Variants in OTUD7A observed in about 807,000 individuals in gnomAD.
The protein encoded by OTUD7A is OTU deubiquitinase 7A, also known as OTU domain-containing protein 7A.
OTUD7A carries 12 observed loss-of-function variants against 65.7 expected under a neutral mutation model. That is an observed-to-expected ratio of 0.18 (90% CI 0.12 to 0.30). The LOEUF (loss-of-function observed/expected upper bound fraction) is 0.30. Ranked by LOEUF, OTUD7A falls within the 10% of genes least tolerant of loss-of-function variation. OTUD7A has a pLI of 1.00. For synonymous variants in OTUD7A, 641 were observed against 586.3 expected (o/e 1.09, Z -1.35); for missense variants, 1,148 against 1,304.8 (o/e 0.88, Z 1.85).
chr15:31,731,550 A>C (rs1408777561), intron 1 of OTUD7A, among the ~76,000 whole-genome samples: 1 of 152,196 alleles, frequency 6.6e-6, no homozygotes, highest in Non-Finnish European at 1.5e-5. Context: ...GGCTAGAGGG[A>C]GGAAAGGATG....
intron 3 of OTUD7A, among the ~76,000 whole-genome samples, chr15:31,592,963 G>GTA (rs57472463): frequency 0.02 from 2,154 of 106,676 alleles, 88 homozygotes; most frequent in African/African-American, 0.07. Context: ...ATATATATAT[G>GTA]TATATATATA....
chr15:31,845,422 C>T (rs924885321), intron 1 of OTUD7A, among the ~76,000 whole-genome samples: 18 of 152,230 alleles, frequency 1.2e-4, no homozygotes, highest in African/African-American at 2.7e-4. Context: ...TCAGAAACCA[C>T]GCGGGTAAGC....
At chr15:31,801,601 T>G (rs11636718) in intron 1 of OTUD7A, among the ~76,000 whole-genome samples, 49,708 of 151,982 alleles carry the variant, frequency 0.33, 8,881 homozygotes, top group South Asian at 0.56. Flanking sequence ...AAAACAAAAA[T>G]GAAAAGAAAC....
At chr15:31,549,532 C>T (rs1266922162) in intron 5 of OTUD7A, among the ~76,000 whole-genome samples, 2 of 152,150 alleles carry the variant, frequency 1.3e-5, no homozygotes, top group African/African-American at 2.4e-5. Context: ...AATTACTTTA[C>T]TATTCACTGA....
chr15:31,583,041 C>T (rs1889419810), intron 3 of OTUD7A, among the ~76,000 whole-genome samples: 1 of 149,892 alleles, frequency 6.7e-6, no homozygotes, highest in Admixed American at 6.6e-5. Flanking sequence ...AAGCAGTATG[C>T]TGGAAAGTGT....
Position 31,746,492 on chromosome 15 carries a change from T to C in OTUD7A, c.-99-89415A>G, listed in dbSNP as rs1000909105. On this transcript the variant is annotated intron_variant, in intron 1 of 12. Coordinates refer to ENST00000307050, the MANE Select transcript of OTUD7A (RefSeq NM_001382637.1). The stretch of plus-strand genomic sequence containing the variant: ...TGGAAACAAGGTAAATCAAACTCCA[T>C]AGTAGTTTTTACATATTTTTTTTTT... 1.6e-4 allele frequency among the ~76,000 whole-genome samples: 23 copies of C among 145,132 alleles called. 1 individual carries two copies. In the Middle Eastern group the frequency reaches 0.014, roughly 87 times the overall value.
chr15:31,701,408 T>A (rs1476837798), intron 1 of OTUD7A, among the ~76,000 whole-genome samples: 9 of 150,912 alleles, frequency 6.0e-5, no homozygotes, highest in Non-Finnish European at 7.4e-5. Flanking sequence ...TATTATAATT[T>A]AAAAATATAT....
intron 3 of OTUD7A, among the ~76,000 whole-genome samples, chr15:31,621,849 T>C (rs1054601247): frequency 9.9e-5 from 15 of 151,934 alleles, no homozygotes; most frequent in Non-Finnish European, 1.6e-4. Flanking sequence ...TGATGCAGTT[T>C]CTTCCTAGCA....
chr15:31,836,293 C>G (rs1167637254), intron 1 of OTUD7A, among the ~76,000 whole-genome samples: 3 of 152,086 alleles, frequency 2.0e-5, no homozygotes, highest in Admixed American at 6.6e-5. Context: ...ACAATTATCC[C>G]CAGGGCAGGC....
intron 1 of OTUD7A, among the ~76,000 whole-genome samples, chr15:31,686,017 T>C (rs1298986201): frequency 6.6e-6 from 1 of 152,214 alleles, no homozygotes; most frequent in African/African-American, 2.4e-5. Context: ...CGGGGGACTG[T>C]GTCTCTTTCC....
chr15:31,593,492 TG>T (rs1703694758), intron 3 of OTUD7A, among the ~76,000 whole-genome samples: 1 of 152,168 alleles, frequency 6.6e-6, no homozygotes, highest in Non-Finnish European at 1.5e-5. Flanking sequence ...GCGAAAACTC[TG>T]CTTATAATTG....
At chr15:31,566,889 T>G (rs1302688785) in intron 4 of OTUD7A, among the ~76,000 whole-genome samples, 1 of 152,230 alleles carries the variant, frequency 6.6e-6, no homozygotes, top group African/African-American at 2.4e-5. Context: ...CCCCAGAAGC[T>G]GAGCAGATGC....
intron 1 of OTUD7A, among the ~76,000 whole-genome samples, chr15:31,851,257 G>C (rs1219972308): frequency 6.6e-6 from 1 of 152,192 alleles, no homozygotes; most frequent in Non-Finnish European, 1.5e-5. Flanking sequence ...GAATTATCCA[G>C]AATGTACCAA....
intron 3 of OTUD7A, among the ~76,000 whole-genome samples, chr15:31,593,549 C>T (rs541578879): frequency 3.2e-4 from 48 of 152,010 alleles, no homozygotes; most frequent in East Asian, 3.9e-4. Context: ...GAATTTGGGG[C>T]GGGCAGACTT....
In OTUD7A at chr15:31,482,089, A is replaced by G. The variant is rs570348132; in HGVS notation, c.*1205T>C. 6.6e-6 allele frequency: 1 copy of G among 152,284 alleles called. No homozygotes were observed. Among genetic ancestry groups the G allele is most frequent in the East Asian group, 1.9e-4 (1 of 5,200 alleles). The allele number at this position is 152,284 out of a possible 1,614,324, so 9.4% of individuals were successfully genotyped here. On this transcript the variant is annotated 3_prime_UTR_variant, in exon 13 of 13. Transcript: ENST00000307050. ...AGGAAGAGGCTGCATATTGCTGCTCAAAACAGGGTAGCTAAGGACACATTT... is the reference window on the plus strand; with the variant it reads ...AGGAAGAGGCTGCATATTGCTGCTCGAAACAGGGTAGCTAAGGACACATTT...
At chr15:31,816,792 ATTTAATTTATG>A (rs1896560911) in intron 1 of OTUD7A, among the ~76,000 whole-genome samples, 1 of 152,230 alleles carries the variant, frequency 6.6e-6, no homozygotes, top group East Asian at 1.9e-4. Context: ...TAATGCCAGA[ATTTAATTTATG>A]TATATTAGAT....
At chr15:31,521,646 C>G (rs1231288657) in intron 8 of OTUD7A, among the ~76,000 whole-genome samples, 1 of 152,204 alleles carries the variant, frequency 6.6e-6, no homozygotes, top group African/African-American at 2.4e-5. Flanking sequence ...ATTGACAACT[C>G]TCAGACTGTG....
At chr15:31,583,344 G>A (rs1201996383) in intron 3 of OTUD7A, among the ~76,000 whole-genome samples, 1 of 152,188 alleles carries the variant, frequency 6.6e-6, no homozygotes, top group Non-Finnish European at 1.5e-5. Flanking sequence ...ATTTGCTGCA[G>A]CTGCCAGGGA....
chr15:31,633,758 C>T (rs1891249801), intron 3 of OTUD7A, among the ~76,000 whole-genome samples: 1 of 152,176 alleles, frequency 6.6e-6, no homozygotes, highest in African/African-American at 2.4e-5. Context: ...TGTGGGGAAC[C>T]TGCTGGGGTG....
Sources: allele counts gnomAD v4.1 joint callset (sites outside exome capture counted in the v4.1 genomes callset), GRCh38; gene constraint gnomAD v4.1.1; transcripts MANE v1.5; gene names NCBI Gene and HGNC (gene_info 2026-07-23, HGNC 2026-07-21).